The following PLCG2 variants were observed in gnomAD, a reference collection of about 807,000 sequenced individuals.
PLCG2 encodes 1-phosphatidylinositol 4,5-bisphosphate phosphodiesterase gamma-2.
PLCG2 carries 69 observed loss-of-function variants against 175.6 expected under a neutral mutation model. The observed-to-expected ratio is 0.39, with a 90% CI of 0.32 to 0.48. PLCG2 has a LOEUF of 0.48. Ranked by LOEUF, PLCG2 falls within the 20% of genes least tolerant of loss-of-function variation. PLCG2 has a pLI of 0.91. For synonymous variants in PLCG2, 827 were observed against 624.0 expected, an observed-to-expected ratio of 1.33 and a Z score of -4.85; for missense variants, 1,798 against 1,650.9, an observed-to-expected ratio of 1.09 and a Z score of -1.54.
chr16:81,792,679 C>T (rs1911293435), intron 2 of PLCG2, among the ~76,000 whole-genome samples: 1 of 151,982 alleles, frequency 6.6e-6, no homozygotes, highest in Non-Finnish European at 1.5e-5. Flanking sequence ...AGAAGGAGAG[C>T]TGAGTGAAGG....
intron 7 of PLCG2, among the ~76,000 whole-genome samples, chr16:81,879,461 C>G (rs1907973269): frequency 1.3e-5 from 2 of 152,132 alleles, no homozygotes; most frequent in Admixed American, 1.3e-4. Context: ...CTTTGAGATG[C>G]TGATTATGTC....
chr16:81,758,937 C>T (rs1909985578), intron 2 of PLCG2, among the ~76,000 whole-genome samples: 1 of 152,204 alleles, frequency 6.6e-6, no homozygotes, highest in Non-Finnish European at 1.5e-5. Context: ...CTCGGCCTCC[C>T]AAAGTGCTGA....
At chr16:81,942,927 T>C (rs1911007055) in intron 30 of PLCG2, among the ~76,000 whole-genome samples, 2 of 151,270 alleles carry the variant, frequency 1.3e-5, no homozygotes, top group South Asian at 4.1e-4. Context: ...TATTTTTTTT[T>C]TTTTTATACA....
intron 30 of PLCG2, among the ~76,000 whole-genome samples, chr16:81,942,815 T>C (rs945651303): frequency 3.9e-5 from 6 of 152,106 alleles, no homozygotes; most frequent in Admixed American, 2.0e-4. Context: ...GGCTGCCCTC[T>C]CACTGGGTGC....
chr16:81,739,588 C>T (rs1317979546), intron 1 of PLCG2: 1 of 152,398 alleles, frequency 6.6e-6, no homozygotes, highest in African/African-American at 2.4e-5. Flanking sequence ...ACCCCTTCTC[C>T]TGCGGCTGCC....
chr16:81,800,235 G>A (rs765932437), intron 2 of PLCG2, among the ~76,000 whole-genome samples: 1 of 152,112 alleles, frequency 6.6e-6, no homozygotes, highest in Admixed American at 6.5e-5. Flanking sequence ...TAAGTTCTGG[G>A]ATACATGTGC....
intron 7 of PLCG2, among the ~76,000 whole-genome samples, chr16:81,872,737 G>A (rs1430135566): frequency 6.6e-6 from 1 of 152,240 alleles, no homozygotes; most frequent in African/African-American, 2.4e-5. Flanking sequence ...TTGGAGTCAG[G>A]TGGCTGTGGT....
chr16:81,740,760 A>AAAAC lies in PLCG2; in HGVS notation c.-145+1375_-145+1376insAAAC, dbSNP rs1909575262. On this transcript the variant is annotated intron_variant, in intron 1 of 5. Transcript: ENST00000565054. ...AAAAAAAAAAAAAAAAAAAAAAAAA[A>AAAAC]CCGAAACCAAACCAAAACACAACCA... Among the ~76,000 whole-genome samples the AAAAC allele has an allele frequency of 2.2e-4, 30 of 134,496 alleles. 1 individual carries two copies. The highest frequency in any genetic ancestry group is 8.3e-4 in the African/African-American group (29 of 34,930). The allele number at this position is 134,496 out of a possible 152,430, so 88.2% of individuals were successfully genotyped here. A position where few individuals can be genotyped will look rare whatever the true frequency, so the allele number is the denominator to read the frequency against.
chr16:81,927,335 T>C (rs1273313640), intron 23 of PLCG2, among the ~76,000 whole-genome samples, 157 bp downstream of exon 23: 1 of 151,926 alleles, frequency 6.6e-6, no homozygotes, highest in South Asian at 2.1e-4. Flanking sequence ...ATAGGGAAAT[T>C]GAGATTGAGT....
At chr16:81,791,087 C>A (rs1911210853) in intron 2 of PLCG2, among the ~76,000 whole-genome samples, 2 of 152,164 alleles carry the variant, frequency 1.3e-5, no homozygotes, top group Non-Finnish European at 2.9e-5. Flanking sequence ...TGTTTGCCAT[C>A]ATATTGAGTG....
rs140324192 is a variant in PLCG2, at chr16:81,804,472, A to C, written c.193+18290A>C. On this transcript the variant is annotated intron_variant, in intron 2 of 32. Transcript: ENST00000564138. ...AACTCTGGATATGTTAGCTTGCAGC[A>C]CATGGGCATGGACACTGATTGGCAA... 5.3e-3 allele frequency among the ~76,000 whole-genome samples: 807 copies of C among 152,350 alleles called. 25 individuals are homozygous for C. The highest frequency in any genetic ancestry group is 1.5e-3 in the Non-Finnish European group (101 of 68,026).
intron 22 of PLCG2, among the ~76,000 whole-genome samples, chr16:81,924,868 C>T (rs576637677): frequency 6.1e-4 from 93 of 152,344 alleles, no homozygotes; most frequent in African/African-American, 2.2e-3. Context: ...CAGTGTTGTC[C>T]GTCTGCTTCT....
At chr16:81,883,558 C>T (rs1273299702) in intron 9 of PLCG2, 2 of 587,216 alleles carry the variant, frequency 3.4e-6, no homozygotes, top group African/African-American at 1.9e-5. Context: ...ATGAGAAGAG[C>T]CTCATGTCGG....
chr16:81,865,146 A>T (rs1391401491), intron 5 of PLCG2, among the ~76,000 whole-genome samples: 1 of 152,070 alleles, frequency 6.6e-6, no homozygotes, highest in Non-Finnish European at 1.5e-5. Flanking sequence ...AGCTGTCCTG[A>T]ATTGAGACTA....
chr16:81,830,136 A>C (rs1597342524), intron 2 of PLCG2, among the ~76,000 whole-genome samples: 1 of 151,954 alleles, frequency 6.6e-6, no homozygotes, highest in Admixed American at 6.6e-5. Context: ...CCTGGGTAAC[A>C]TGATGAAACC....
At chr16:81,891,098 G>C (rs542324064) in intron 10 of PLCG2, among the ~76,000 whole-genome samples, 1 of 152,174 alleles carries the variant, frequency 6.6e-6, no homozygotes, top group South Asian at 2.1e-4. Context: ...AGGAGGTGGA[G>C]GTTGCAGTGA....
intron 6 of PLCG2, 92 bp from the exon 7 acceptor site, chr16:81,870,760 A>C: frequency 1.6e-6 from 1 of 615,802 alleles, no homozygotes; most frequent in Non-Finnish European, 2.7e-6. Context: ...ATAGCATGCC[A>C]TTTCTGAAAC....
chr16:81,809,899 A>G (rs1263275921), intron 2 of PLCG2, among the ~76,000 whole-genome samples: 1 of 151,736 alleles, frequency 6.6e-6, no homozygotes, highest in African/African-American at 2.4e-5. Context: ...GCTGAGATGC[A>G]TACTGTGTAG....
intron 3 of PLCG2, among the ~76,000 whole-genome samples, chr16:81,857,325 A>G (rs1404541998): frequency 6.6e-6 from 1 of 152,164 alleles, no homozygotes; most frequent in East Asian, 1.9e-4. Context: ...CTGGGTTTGA[A>G]TTCCTCAGCT....
Sources: allele counts gnomAD v4.1 joint callset (sites outside exome capture counted in the v4.1 genomes callset), GRCh38; gene constraint gnomAD v4.1.1; transcripts MANE v1.5; gene names NCBI Gene and HGNC (gene_info 2026-07-23, HGNC 2026-07-21).